Variants in STK11IP observed in about 807,000 individuals in gnomAD.
The protein encoded by STK11IP is serine/threonine kinase 11 interacting protein.
In STK11IP, 103 loss-of-function variants were observed where a neutral mutation model predicts 131.7. That is an observed-to-expected ratio of 0.78 (90% CI 0.67 to 0.92). The LOEUF (loss-of-function observed/expected upper bound fraction) is 0.92, where lower values mean the gene tolerates loss of function less well. STK11IP is among the 40% of genes least tolerant of loss of function. The probability of loss-of-function intolerance (pLI) is 0.00; values close to 1 mark genes in which losing one functional copy is unlikely to be tolerated. For missense variants in STK11IP, 1,315 were observed against 1,385.7 expected (o/e 0.95, Z 0.81); for synonymous variants, 557 against 575.6 (o/e 0.97, Z 0.46).
At position 219,616,188 on chromosome 2, in the gene STK11IP, C is replaced by T. The variant is rs202148315; in HGVS notation, c.3262C>T (p.Arg1088Ter). 391 of 1,613,020 alleles carry T rather than the reference C, an allele frequency of 2.4e-4. 1 individual carries two copies. Among genetic ancestry groups the T allele is most frequent in the Non-Finnish European group, 2.2e-4 (264 of 1,179,626 alleles). ...GATCCAAGAGGCGCTGGCCCTTGAC[C>T]GATGAGGGTCCCACGCTGACCTTGG... The part of the protein sequence containing the change: ...TVIQEALALD[R>*] The change falls in exon 25 of 25, where the codon CGA becomes TGA. Residue 1088 changes from arginine to a stop codon, truncating the protein, a stop_gained. Transcript: ENST00000456909. LOFTEE classifies it high-confidence loss of function.
At chr2:219,600,228 G>C (rs1386821879) in intron 2 of STK11IP, among the ~76,000 whole-genome samples, 1 of 151,786 alleles carries the variant, frequency 6.6e-6, no homozygotes, top group Non-Finnish European at 1.5e-5. Context: ...ATGCCCAGCT[G>C]AGAATATTTG....
intron 17 of STK11IP, chr2:219,610,131 T>C (rs998612597): frequency 6.4e-6 from 1 of 155,236 alleles, no homozygotes; most frequent in African/African-American, 2.4e-5. Flanking sequence ...ATAACAGCTC[T>C]GTGGAAATGC....
Position 219,598,083 on chromosome 2 carries a change from T to C in STK11IP, c.-26-11T>C, listed in dbSNP as rs569814857. On this transcript the variant is annotated splice_polypyrimidine_tract_variant and intron_variant, in intron 1 of 24. Transcript: ENST00000456909. The stretch of plus-strand genomic sequence containing the variant: ...ACCTGAGGCTCTTCCGCTTCCTCTT[T>C]CCCCCCCCAGGCTCCGCCCCCCAGC... The C allele has an allele frequency of 7.3e-4, 1,139 of 1,564,934 alleles. 2 individuals carry two copies. Among genetic ancestry groups the C allele is most frequent in the Middle Eastern group, 1.2e-3 (7 of 5,982 alleles).
At chr2:219,604,972 A>G (rs1698102423) in intron 7 of STK11IP, among the ~76,000 whole-genome samples, 1 of 152,024 alleles carries the variant, frequency 6.6e-6, no homozygotes, top group South Asian at 2.1e-4. Flanking sequence ...TGGGATTACA[A>G]GTGTGTGCCA....
chr2:219,611,867 T>C, intron 18 of STK11IP, 33 bp downstream of exon 18: 1 of 1,591,046 alleles, frequency 6.3e-7, no homozygotes, highest in Non-Finnish European at 8.6e-7. Context: ...ATAGATGAGT[T>C]TGGGGAAGGG....
intron 20 of STK11IP, 29 bp downstream of exon 20, chr2:219,613,254 A>AGGGGGGAGATGGGGTGAGCT (rs1553546548): frequency 3.9e-6 from 3 of 764,222 alleles, no homozygotes; most frequent in Non-Finnish European, 5.9e-6. Context: ...GCAGTGAGTA[A>AGGGGGGAGATGGGGTGAGCT]GGGGGGAGAT....
intron 2 of STK11IP, among the ~76,000 whole-genome samples, chr2:219,599,736 AT>A (rs58226404): frequency 0.93 from 130,858 of 141,062 alleles, 60,865 homozygotes; most frequent in South Asian, 0.99. Flanking sequence ...AGTGTCCTGA[AT>A]TTTTTTTTTT....
Position 219,608,568 on chromosome 2 carries a change from T to A in STK11IP, c.1604-15T>A. 2 of 1,567,676 alleles carry A rather than the reference T, an allele frequency of 1.3e-6. No homozygotes were observed. The highest frequency in any genetic ancestry group is 1.7e-6 in the Non-Finnish European group (2 of 1,155,458). ...TTTCCCTCCCTGCAGGCCTTTTCTC[T>A]TGGTCTCTCCACAGCGGAACTCTGT... On this transcript the variant is annotated splice_polypyrimidine_tract_variant and intron_variant, in intron 14 of 24. Coordinates refer to ENST00000456909, the MANE Select transcript of STK11IP (RefSeq NM_052902.4).
Position 219,608,951 on chromosome 2 carries a change from C to T in STK11IP, c.1810-146C>T, listed in dbSNP as rs575031737. On this transcript the variant is annotated intron_variant, in intron 15 of 24. Coordinates refer to ENST00000456909, the MANE Select transcript of STK11IP (RefSeq NM_052902.4). Reference sequence around the variant, plus strand: ...GCACTCGGGAAGCTGGGCTGAGGAGCAGGGATTCTGTGCTGGAGCTTGGAC... The same window carrying T: ...GCACTCGGGAAGCTGGGCTGAGGAGTAGGGATTCTGTGCTGGAGCTTGGAC... 7.8e-6 allele frequency: 8 copies of T among 1,030,490 alleles called. No individual in the cohort carries two copies. In the African/African-American group the frequency reaches 1.3e-4, roughly 17 times the overall value. 63.8% of individuals were successfully genotyped at this position (1,030,490 alleles called of 1,614,324 possible). A position where few individuals can be genotyped will look rare whatever the true frequency, so the allele number is the denominator to read the frequency against.
At chr2:219,599,050 C>T (rs938882259) in intron 2 of STK11IP, among the ~76,000 whole-genome samples, 1 of 152,158 alleles carries the variant, frequency 6.6e-6, no homozygotes, top group African/African-American at 2.4e-5. Flanking sequence ...CTCCTATTGA[C>T]GATATCTGTG....
At chr2:219,612,902 G>A (rs750981391) in intron 19 of STK11IP, 8 of 531,168 alleles carry the variant, frequency 1.5e-5, no homozygotes, top group Non-Finnish European at 2.4e-5. Context: ...GGGGTGAGGC[G>A]ACAGGCAGGG....
rs370813924 is a variant in STK11IP at position 219,601,410 on chromosome 2, C to T, written c.237C>T (p.Phe79=). The T allele has an allele frequency of 3.5e-5, 56 of 1,613,890 alleles. No individual in the cohort carries two copies. Among genetic ancestry groups the T allele is most frequent in the Middle Eastern group, 1.6e-4 (1 of 6,084 alleles). Residue 79 remains phenylalanine, a synonymous_variant, in exon 3 of 25, where the codon TTC becomes TTT. Coordinates refer to ENST00000456909, the MANE Select transcript of STK11IP (RefSeq NM_052902.4). The part of the protein sequence containing the change: ...SPVILQLQFL[F]DVLQKTLSLK... ...TTATTCTTCAGCTTCAGTTTCTCTTCGATGTGCTGCAGAAAACACTTTCAC... is the reference window on the plus strand; with the variant it reads ...TTATTCTTCAGCTTCAGTTTCTCTTTGATGTGCTGCAGAAAACACTTTCAC...
chr2:219,598,909 C>T (rs554461615), intron 2 of STK11IP, among the ~76,000 whole-genome samples: 4 of 152,212 alleles, frequency 2.6e-5, no homozygotes, highest in African/African-American at 7.2e-5. Flanking sequence ...TTTTTTGAAC[C>T]TCAATTTTCA....
At chr2:219,609,574 C>G (rs376411210) in intron 17 of STK11IP, 34 bp downstream of exon 17, 5 of 1,550,954 alleles carry the variant, frequency 3.2e-6, no homozygotes, top group Admixed American at 3.9e-5. Context: ...TCTGCCCACA[C>G]GCCTCCCCTG....
At chr2:219,608,929 C>T (rs1043537276) in intron 15 of STK11IP, 141 bp downstream of exon 15, 2 of 1,137,456 alleles carry the variant, frequency 1.8e-6, no homozygotes, top group African/African-American at 3.1e-5. Flanking sequence ...GTTGCAAGCA[C>T]TCGGGAAGCT....
At chr2:219,608,500 G>A in intron 14 of STK11IP, 70 bp downstream of exon 14, 3 of 1,532,202 alleles carry the variant, frequency 2.0e-6, no homozygotes, top group South Asian at 1.3e-5. Context: ...GGTGGGGCCT[G>A]GCGGGTGGAG....
At chr2:219,601,867 C>T (rs1001243929) in intron 4 of STK11IP, 121 bp from the exon 5 acceptor site, 3 of 1,249,098 alleles carry the variant, frequency 2.4e-6, no homozygotes, top group Non-Finnish European at 3.4e-6. Flanking sequence ...TTTCCATTTA[C>T]TGCTTCCCTA....
chr2:219,599,389 A>C (rs1697904041), intron 2 of STK11IP, among the ~76,000 whole-genome samples: 1 of 152,176 alleles, frequency 6.6e-6, no homozygotes, highest in Non-Finnish European at 1.5e-5. Context: ...GCACCTGGCC[A>C]GTAGCAGTTT....
intron 22 of STK11IP, 92 bp downstream of exon 22, chr2:219,614,334 A>C: frequency 1.3e-6 from 2 of 1,543,428 alleles, no homozygotes; most frequent in Non-Finnish European, 1.8e-6. Context: ...GGTCCTGGGC[A>C]GCCACCTGTC....
Sources: allele counts gnomAD v4.1 joint callset (sites outside exome capture counted in the v4.1 genomes callset), GRCh38; gene constraint gnomAD v4.1.1; transcripts MANE v1.5; gene names NCBI Gene and HGNC (gene_info 2026-07-23, HGNC 2026-07-21).